Variants in RFX3 observed in about 807,000 individuals in gnomAD.
The protein encoded by RFX3 is regulatory factor X3.
RFX3 carries 14 observed loss-of-function variants against 98.6 expected under a neutral mutation model. The ratio of observed to expected loss-of-function variants is 0.14; its 90% confidence interval spans 0.09 to 0.22. The LOEUF is 0.22. Ranked by LOEUF, RFX3 falls within the 10% of genes least tolerant of loss-of-function variation. RFX3 has a pLI of 1.00. For missense variants in RFX3, 639 were observed against 926.9 expected, an observed-to-expected ratio of 0.69 and a Z score of 4.03; for synonymous variants, 383 against 328.4, an observed-to-expected ratio of 1.17 and a Z score of -1.80.
chr9:3,483,855 T>G (rs1850024111), intron 1 of RFX3, among the ~76,000 whole-genome samples: 2 of 152,168 alleles, frequency 1.3e-5, no homozygotes. Context: ...TTTATAAACT[T>G]GGGAATTTAC....
intron 1 of RFX3, among the ~76,000 whole-genome samples, chr9:3,471,552 T>A (rs986167646): frequency 3.3e-5 from 5 of 152,228 alleles, no homozygotes; most frequent in Non-Finnish European, 7.3e-5. Context: ...TAAGTATAAT[T>A]GAACTCATGA....
At chr9:3,511,169 T>C (rs552912359) in intron 1 of RFX3, among the ~76,000 whole-genome samples, 1 of 152,132 alleles carries the variant, frequency 6.6e-6, no homozygotes, top group Non-Finnish European at 1.5e-5. Context: ...TAATGCACTG[T>C]ATTTACCTCT....
chr9:3,326,098 T>C (rs556787546), intron 4 of RFX3, among the ~76,000 whole-genome samples: 6 of 152,264 alleles, frequency 3.9e-5, no homozygotes, highest in African/African-American at 1.2e-4. Context: ...TGCTATTTAA[T>C]ATTATCCGCA....
At position 3,501,430 on chromosome 9, in the gene RFX3, A is replaced by G. The variant is rs200968010; in HGVS notation, c.-9+24317T>C. On this transcript the variant is annotated intron_variant, in intron 1 of 16. Coordinates refer to ENST00000617270, the MANE Select transcript of RFX3 (RefSeq NM_001282116.2). ...GAAAAATAAAATTACTCCGAGGGCCATAAAAATATTATTTCTCCTGACAGA... is the reference window on the plus strand; with the variant it reads ...GAAAAATAAAATTACTCCGAGGGCCGTAAAAATATTATTTCTCCTGACAGA... 3.9e-5 allele frequency among the ~76,000 whole-genome samples: 6 copies of G among 152,276 alleles called. No homozygotes were observed. In the East Asian group the frequency reaches 1.2e-3, roughly 29 times the overall value.
intron 4 of RFX3, among the ~76,000 whole-genome samples, chr9:3,317,639 C>G (rs1563917298): frequency 6.6e-6 from 1 of 152,174 alleles, no homozygotes; most frequent in African/African-American, 2.4e-5. Context: ...GGGCTAATAT[C>G]CAGAATCTAC....
At chr9:3,279,673 T>C in intron 7 of RFX3, among the ~76,000 whole-genome samples, 1 of 151,856 alleles carries the variant, frequency 6.6e-6, no homozygotes, top group Non-Finnish European at 1.5e-5. Context: ...TACATCACAA[T>C]CTAACTGCGC....
chr9:3,425,002 G>A (rs924726121), intron 1 of RFX3, among the ~76,000 whole-genome samples: 2 of 152,156 alleles, frequency 1.3e-5, no homozygotes, highest in Non-Finnish European at 2.9e-5. Context: ...GAGCAAGGCA[G>A]GTAGATCACT....
At chr9:3,371,228 T>G (rs1213763670) in intron 2 of RFX3, among the ~76,000 whole-genome samples, 1 of 152,200 alleles carries the variant, frequency 6.6e-6, no homozygotes, top group Non-Finnish European at 1.5e-5. Flanking sequence ...CTGTTCATAG[T>G]GCTAGCAATA....
chr9:3,290,704 TTA>T (rs1586901725), intron 6 of RFX3, among the ~76,000 whole-genome samples: 1 of 152,294 alleles, frequency 6.6e-6, no homozygotes, highest in East Asian at 1.9e-4. Context: ...GGAAACATAT[TTA>T]TGAGAGAGCT....
chr9:3,338,900 C>T (rs1833526349), intron 3 of RFX3, among the ~76,000 whole-genome samples: 1 of 152,006 alleles, frequency 6.6e-6, no homozygotes, highest in Non-Finnish European at 1.5e-5. Flanking sequence ...CCACCGTGGC[C>T]AATATGAAGA....
chr9:3,467,028 T>TTATA lies in RFX3; in HGVS notation c.-9+58715_-9+58718dup, dbSNP rs138952591. On this transcript the variant is annotated intron_variant, in intron 1 of 16. Coordinates refer to ENST00000617270, the MANE Select transcript of RFX3 (RefSeq NM_001282116.2). ...AGCTGATATACCTAAATCTAAAGAA[T>TTATA]TATATATATATATATATATGTATAT... Among the ~76,000 whole-genome samples the TTATA allele has an allele frequency of 5.4e-3, 538 of 98,826 alleles. 4 individuals are homozygous for TTATA. Among genetic ancestry groups the TTATA allele is most frequent in the African/African-American group, 0.017 (267 of 16,124 alleles). The allele number at this position is 98,826 out of a possible 152,430, so 64.8% of individuals were successfully genotyped here.
At chr9:3,258,375 C>T (rs1822410781) in intron 13 of RFX3, among the ~76,000 whole-genome samples, 1 of 152,106 alleles carries the variant, frequency 6.6e-6, no homozygotes, top group Admixed American at 6.6e-5. Context: ...ACAACTTCAA[C>T]TGAATAAATC....
rs530007705 is a variant in RFX3, at chr9:3,255,316, T to C, written c.1814+1675A>G. Among the ~76,000 whole-genome samples the C allele has an allele frequency of 5.9e-5, 9 of 152,312 alleles. No individual in the cohort carries two copies. The South Asian group carries it at 1.9e-3, about 32-fold the overall frequency. ...ATCCTATAGTCTGGGTCTACTGAGT[T>C]CACAAGTACTATTAGTTCCTACATT... On this transcript the variant is annotated intron_variant, in intron 14 of 16. Coordinates refer to ENST00000617270, the MANE Select transcript of RFX3 (RefSeq NM_001282116.2).
At chr9:3,380,417 G>A (rs373981160) in intron 2 of RFX3, among the ~76,000 whole-genome samples, 2 of 152,072 alleles carry the variant, frequency 1.3e-5, no homozygotes, top group African/African-American at 4.8e-5. Context: ...TTACCTACCA[G>A]TCTCTTTGAC....
chr9:3,496,220 A>G (rs2133579577), intron 1 of RFX3, among the ~76,000 whole-genome samples: 1 of 152,072 alleles, frequency 6.6e-6, no homozygotes. Flanking sequence ...AAATAACTAA[A>G]CTTGTTCTGT....
At chr9:3,383,476 G>C (rs1839404397) in intron 2 of RFX3, among the ~76,000 whole-genome samples, 1 of 151,838 alleles carries the variant, frequency 6.6e-6, no homozygotes, top group South Asian at 2.1e-4. Flanking sequence ...TAATTCATCT[G>C]ACTGCTTTAT....
chr9:3,278,432 C>T (rs1481340706), intron 7 of RFX3, among the ~76,000 whole-genome samples: 1 of 151,776 alleles, frequency 6.6e-6, no homozygotes. Context: ...TGCTGTCTGG[C>T]CTCCCATTCT....
chr9:3,504,080 T>C (rs917073444), intron 1 of RFX3, among the ~76,000 whole-genome samples: 1 of 147,858 alleles, frequency 6.8e-6, no homozygotes, highest in African/African-American at 2.5e-5. Context: ...GCTCGATTCC[T>C]TAGTTTTGAT....
intron 16 of RFX3, among the ~76,000 whole-genome samples, chr9:3,226,453 C>T (rs151220949): frequency 0.015 from 2,278 of 152,258 alleles, 23 homozygotes; most frequent in Admixed American, 0.018. Flanking sequence ...GTACAGTGTA[C>T]AGCCACCATG....
Sources: allele counts gnomAD v4.1 joint callset (sites outside exome capture counted in the v4.1 genomes callset), GRCh38; gene constraint gnomAD v4.1.1; transcripts MANE v1.5; gene names NCBI Gene and HGNC (gene_info 2026-07-23, HGNC 2026-07-21).